The following DPYD variants were observed in gnomAD, a reference collection of about 807,000 sequenced individuals.
The protein encoded by DPYD is dihydropyrimidine dehydrogenase.
DPYD carries 109 observed loss-of-function variants against 116.2 expected under a neutral mutation model. The observed-to-expected ratio is 0.94, with a 90% CI of 0.80 to 1.10. The LOEUF (loss-of-function observed/expected upper bound fraction) is 1.10. DPYD is among the 50% of genes least tolerant of loss of function. DPYD has a pLI of 0.00. For synonymous variants in DPYD, 440 were observed against 432.0 expected (o/e 1.02, Z -0.23); for missense variants, 1,302 against 1,254.5 (o/e 1.04, Z -0.57).
At chr1:97,679,033 G>A in intron 8 of DPYD, 62 bp downstream of exon 8, 2 of 766,308 alleles carry the variant, frequency 2.6e-6, no homozygotes, top group South Asian at 2.5e-5. Flanking sequence ...CATTCTTCTG[G>A]ATATTGCTAG....
intron 16 of DPYD, among the ~76,000 whole-genome samples, chr1:97,327,137 A>G (rs55651621): frequency 0.24 from 36,463 of 151,908 alleles, 5,473 homozygotes; most frequent in Admixed American, 0.39. Context: ...TTCCCAGACA[A>G]TATTAAAACT....
At chr1:97,221,696 A>G (rs946848215) in intron 19 of DPYD, among the ~76,000 whole-genome samples, 3 of 152,130 alleles carry the variant, frequency 2.0e-5, no homozygotes, top group Non-Finnish European at 4.4e-5. Flanking sequence ...GTCTTTTCAA[A>G]ATAATCACCT....
chr1:97,243,319 C>T (rs1662500182), intron 18 of DPYD, among the ~76,000 whole-genome samples: 1 of 151,818 alleles, frequency 6.6e-6, no homozygotes, highest in Admixed American at 6.6e-5. Flanking sequence ...TATAAATGCT[C>T]CTCTTTTGAG....
Position 97,343,289 on chromosome 1 carries a change from A to G in DPYD, c.2058+30272T>C, listed in dbSNP as rs115598770. Among the ~76,000 whole-genome samples, 393 of 152,220 alleles carry G rather than the reference A, an allele frequency of 2.6e-3. 1 individual carries two copies. Among genetic ancestry groups the G allele is most frequent in the African/African-American group, 9.0e-3 (372 of 41,562 alleles). Reference sequence around the variant, plus strand: ...CAATTGTCACAAACAAAGGTTAATAATAGTTGAGTTTGGACTGAAGGAATC... The same window carrying G: ...CAATTGTCACAAACAAAGGTTAATAGTAGTTGAGTTTGGACTGAAGGAATC... On this transcript the variant is annotated intron_variant, in intron 16 of 22. Transcript: ENST00000370192.
At chr1:97,596,378 A>G (rs1557826317) in intron 8 of DPYD, among the ~76,000 whole-genome samples, 1 of 152,184 alleles carries the variant, frequency 6.6e-6, no homozygotes, top group Non-Finnish European at 1.5e-5. Context: ...CATTGTACAT[A>G]TATCAACTAT....
At chr1:97,513,126 G>A (rs1647931156) in intron 13 of DPYD, among the ~76,000 whole-genome samples, 1 of 151,578 alleles carries the variant, frequency 6.6e-6, no homozygotes, top group African/African-American at 2.4e-5. Context: ...TGGTCTATCG[G>A]TGCTACAGCA....
At chr1:97,890,369 A>C (rs1672717076) in intron 1 of DPYD, among the ~76,000 whole-genome samples, 1 of 151,954 alleles carries the variant, frequency 6.6e-6, no homozygotes, top group Non-Finnish European at 1.5e-5. Context: ...AACTTCCTTT[A>C]TTAGCTCAAT....
At chr1:97,911,408 G>T (rs1226198335) in intron 1 of DPYD, among the ~76,000 whole-genome samples, 1 of 152,062 alleles carries the variant, frequency 6.6e-6, no homozygotes, top group East Asian at 1.9e-4. Context: ...ACCAATGTCT[G>T]GAGTCTGGGT....
chr1:97,476,599 G>A (rs912584159), intron 13 of DPYD, among the ~76,000 whole-genome samples: 2 of 151,994 alleles, frequency 1.3e-5, no homozygotes, highest in African/African-American at 4.8e-5. Flanking sequence ...AAGTAATTAG[G>A]CAATAGGAAG....
chr1:97,594,298 G>C lies in DPYD; in HGVS notation c.958+761C>G, dbSNP rs527867174. Reference sequence around the variant, plus strand: ...GTGCACTATGACCTTCCTCAGAAAGGGTTTCAGACATACAAACATCCAGTT... The same window carrying C: ...GTGCACTATGACCTTCCTCAGAAAGCGTTTCAGACATACAAACATCCAGTT... On this transcript the variant is annotated intron_variant, in intron 9 of 22. Transcript: ENST00000370192. Among the ~76,000 whole-genome samples, 112 of 152,160 alleles carry C rather than the reference G, an allele frequency of 7.4e-4. No homozygotes were observed. In the South Asian group the frequency reaches 0.01, roughly 14 times the overall value.
At chr1:97,855,360 A>G (rs1055214567) in intron 2 of DPYD, 2 of 152,200 alleles carry the variant, frequency 1.3e-5, no homozygotes, top group Admixed American at 6.5e-5. Flanking sequence ...AGATTTCTGG[A>G]TGCAAGTAGG....
chr1:97,627,968 T>G (rs542266104), intron 8 of DPYD, among the ~76,000 whole-genome samples: 1 of 152,010 alleles, frequency 6.6e-6, no homozygotes, highest in South Asian at 2.1e-4. Flanking sequence ...TGAAAGTGAG[T>G]TGTAACTATC....
At chr1:97,155,406 G>A (rs1353461396) in intron 20 of DPYD, among the ~76,000 whole-genome samples, 3 of 151,896 alleles carry the variant, frequency 2.0e-5, no homozygotes, top group African/African-American at 7.3e-5. Context: ...CTGCTTTTGT[G>A]TCCAAATATT....
intron 3 of DPYD, among the ~76,000 whole-genome samples, chr1:97,799,612 T>C (rs998874965): frequency 3.9e-5 from 6 of 151,990 alleles, no homozygotes; most frequent in Admixed American, 6.6e-5. Flanking sequence ...TTCTTGAGAC[T>C]GTTACCTCAA....
chr1:97,823,354 C>T (rs1483427386), intron 3 of DPYD, among the ~76,000 whole-genome samples: 1 of 152,136 alleles, frequency 6.6e-6, no homozygotes, highest in East Asian at 1.9e-4. Flanking sequence ...CGGGGTTTCA[C>T]CGTGTTAGCC....
chr1:97,726,121 A>G (rs1055470458), intron 4 of DPYD, among the ~76,000 whole-genome samples: 1 of 151,620 alleles, frequency 6.6e-6, no homozygotes, highest in Non-Finnish European at 1.5e-5. Context: ...GCAATAAAAC[A>G]TAACTTTTGG....
Position 97,715,728 on chromosome 1 carries a change from T to A in DPYD, c.483+5782A>T, listed in dbSNP as rs145226226. The stretch of plus-strand genomic sequence containing the variant: ...AGCTAGAGTATTTCCAACCTCACTT[T>A]TCAGTTTATGCACAAATACTCATCT... On this transcript the variant is annotated intron_variant, in intron 5 of 22. Coordinates refer to ENST00000370192, the MANE Select transcript of DPYD (RefSeq NM_000110.4). 3.7e-4 allele frequency among the ~76,000 whole-genome samples: 57 copies of A among 152,246 alleles called. 1 individual carries two copies. The East Asian group carries it at 9.5e-3, about 25-fold the overall frequency.
At chr1:97,857,605 G>T (rs188949941) in intron 2 of DPYD, among the ~76,000 whole-genome samples, 2 of 152,212 alleles carry the variant, frequency 1.3e-5, no homozygotes, top group East Asian at 3.9e-4. Context: ...GTTCCCGAGG[G>T]CATGGAAGCT....
At chr1:97,474,476 G>C (rs1391142340) in intron 13 of DPYD, among the ~76,000 whole-genome samples, 9 of 151,818 alleles carry the variant, frequency 5.9e-5, no homozygotes, top group Non-Finnish European at 1.3e-4. Context: ...AAAATCCTTT[G>C]AAAAGAGAGT....
Sources: allele counts gnomAD v4.1 joint callset (sites outside exome capture counted in the v4.1 genomes callset), GRCh38; gene constraint gnomAD v4.1.1; transcripts MANE v1.5; gene names NCBI Gene and HGNC (gene_info 2026-07-23, HGNC 2026-07-21).